Variants in HCN1 observed in about 807,000 individuals in gnomAD.
The protein encoded by HCN1 is potassium/sodium hyperpolarization-activated cyclic nucleotide-gated channel 1.
In HCN1, 13 loss-of-function variants were observed where a neutral mutation model predicts 78.9. That is an observed-to-expected ratio of 0.16 (90% CI 0.11 to 0.26). HCN1 has a LOEUF of 0.26. Among genes scored for constraint, HCN1 ranks in the 10% least tolerant of loss-of-function variants. The pLI, the probability that HCN1 is intolerant of heterozygous loss-of-function variation, is 1.00. For missense variants in HCN1, 810 were observed against 1,154.3 expected, an observed-to-expected ratio of 0.70 and a Z score of 4.32; for synonymous variants, 552 against 455.5, an observed-to-expected ratio of 1.21 and a Z score of -2.70.
At chr5:45,686,437 C>T (rs1414151167) in intron 1 of HCN1, among the ~76,000 whole-genome samples, 1 of 152,188 alleles carries the variant, frequency 6.6e-6, no homozygotes, top group Non-Finnish European at 1.5e-5. Flanking sequence ...AACACAAGGA[C>T]TTAGCTTTCT....
chr5:45,373,148 T>C (rs1266143102), intron 4 of HCN1, among the ~76,000 whole-genome samples: 1 of 124,168 alleles, frequency 8.1e-6, no homozygotes, highest in African/African-American at 3.1e-5. Context: ...GTATATAATA[T>C]ATATAAAAAT....
intron 6 of HCN1, among the ~76,000 whole-genome samples, chr5:45,270,310 T>C (rs919900351): frequency 1.3e-4 from 20 of 152,258 alleles, no homozygotes; most frequent in African/African-American, 4.1e-4. Context: ...AACTGCATCA[T>C]GTGGCCAGCC....
intron 2 of HCN1, among the ~76,000 whole-genome samples, chr5:45,542,583 A>G (rs1392924789): frequency 6.6e-6 from 1 of 152,194 alleles, no homozygotes; most frequent in Admixed American, 6.6e-5. Flanking sequence ...CAGTGGTGAC[A>G]GCGAGCAGAC....
At chr5:45,553,679 A>G (rs1005747054) in intron 2 of HCN1, among the ~76,000 whole-genome samples, 1 of 151,938 alleles carries the variant, frequency 6.6e-6, no homozygotes, top group Admixed American at 6.6e-5. Flanking sequence ...GTATTTGCAT[A>G]TAACCTATGT....
chr5:45,429,476 G>T (rs1203454974), intron 3 of HCN1, among the ~76,000 whole-genome samples: 1 of 152,060 alleles, frequency 6.6e-6, no homozygotes, highest in Non-Finnish European at 1.5e-5. Flanking sequence ...GGGAGGGAGA[G>T]CTCATCTCTT....
At chr5:45,525,920 A>T (rs2111791639) in intron 2 of HCN1, among the ~76,000 whole-genome samples, 1 of 152,048 alleles carries the variant, frequency 6.6e-6, no homozygotes, top group East Asian at 1.9e-4. Flanking sequence ...GAGCCCTCAT[A>T]ATGGGATTAG....
At chr5:45,684,384 TA>T (rs1314873712) in intron 1 of HCN1, among the ~76,000 whole-genome samples, 1 of 152,182 alleles carries the variant, frequency 6.6e-6, no homozygotes, top group Non-Finnish European at 1.5e-5. Flanking sequence ...ATACATTAGA[TA>T]TATATCCAGA....
intron 2 of HCN1, among the ~76,000 whole-genome samples, chr5:45,472,858 C>T (rs1398713551): frequency 6.6e-6 from 1 of 151,896 alleles, no homozygotes; most frequent in African/African-American, 2.4e-5. Context: ...CATCCTTCAT[C>T]ACATCACAAT....
At chr5:45,533,989 T>TA (rs1742913637) in intron 2 of HCN1, among the ~76,000 whole-genome samples, 1 of 152,166 alleles carries the variant, frequency 6.6e-6, no homozygotes, top group Admixed American at 6.5e-5. Context: ...CACCCAGCTT[T>TA]AAGATGTATT....
chr5:45,650,934 T>A (rs1158160294), intron 1 of HCN1, among the ~76,000 whole-genome samples: 2 of 151,990 alleles, frequency 1.3e-5, no homozygotes. Flanking sequence ...ATGTCAGACA[T>A]TTCTAACCTA....
At chr5:45,403,296 T>A (rs1739859970) in intron 3 of HCN1, among the ~76,000 whole-genome samples, 1 of 152,108 alleles carries the variant, frequency 6.6e-6, no homozygotes, top group Non-Finnish European at 1.5e-5. Context: ...CCATCATACC[T>A]ACATATCATT....
intron 2 of HCN1, among the ~76,000 whole-genome samples, chr5:45,557,476 C>T (rs1743494301): frequency 6.6e-6 from 1 of 152,020 alleles, no homozygotes; most frequent in Admixed American, 6.6e-5. Context: ...TTTATCATTG[C>T]TCCTAAGTAA....
intron 6 of HCN1, among the ~76,000 whole-genome samples, chr5:45,302,956 C>T (rs965555164): frequency 2.0e-5 from 3 of 152,054 alleles, no homozygotes; most frequent in African/African-American, 7.2e-5. Flanking sequence ...CCAATTAAAC[C>T]TCTTTTTTTC....
chr5:45,536,723 T>A (rs1742975146), intron 2 of HCN1, among the ~76,000 whole-genome samples: 1 of 152,186 alleles, frequency 6.6e-6, no homozygotes, highest in Non-Finnish European at 1.5e-5. Context: ...TGTTTCTTCA[T>A]GTAGCTACTA....
At chr5:45,584,208 T>C (rs1744150475) in intron 2 of HCN1, among the ~76,000 whole-genome samples, 1 of 152,196 alleles carries the variant, frequency 6.6e-6, no homozygotes, top group South Asian at 2.1e-4. Flanking sequence ...TGAATCTGGG[T>C]GCTCCTGTAT....
intron 4 of HCN1, among the ~76,000 whole-genome samples, chr5:45,375,235 T>G (rs183058684): frequency 0.065 from 6,890 of 105,858 alleles, 265 homozygotes; most frequent in Middle Eastern, 0.13. Context: ...TTTTATAATA[T>G]ATAATATATT....
At chr5:45,512,652 C>G (rs1742438218) in intron 2 of HCN1, among the ~76,000 whole-genome samples, 1 of 151,958 alleles carries the variant, frequency 6.6e-6, no homozygotes, top group Non-Finnish European at 1.5e-5. Flanking sequence ...CTCTAGAGGA[C>G]AATGCCCAGG....
intron 4 of HCN1, among the ~76,000 whole-genome samples, chr5:45,387,690 G>A (rs1223947353): frequency 1.3e-5 from 2 of 151,860 alleles, no homozygotes; most frequent in Non-Finnish European, 2.9e-5. Context: ...CACATTCTCT[G>A]TCATCTATCA....
intron 4 of HCN1, among the ~76,000 whole-genome samples, chr5:45,395,643 A>G (rs1379615399): frequency 6.6e-6 from 1 of 152,166 alleles, no homozygotes; most frequent in Non-Finnish European, 1.5e-5. Context: ...AATATTCTAG[A>G]GCCATTTTAA....
Sources: gnomAD v4.1 joint callset for allele counts (sites outside exome capture counted in the v4.1 genomes callset) on GRCh38, gnomAD v4.1.1 for gene constraint, MANE v1.5 for transcripts, NCBI Gene and HGNC (gene_info 2026-07-23, HGNC 2026-07-21) for gene names.